The following SUCLG2 variants were observed in gnomAD, a reference collection of about 807,000 sequenced individuals.
The protein encoded by SUCLG2 is succinate-CoA ligase GDP-forming subunit beta.
SUCLG2 carries 42 observed loss-of-function variants against 47.9 expected under a neutral mutation model. The ratio of observed to expected loss-of-function variants is 0.88; its 90% CI spans 0.69 to 1.14. The LOEUF (loss-of-function observed/expected upper bound fraction) is 1.14, where lower values mean the gene tolerates loss of function less well. Among genes scored for constraint, SUCLG2 ranks in the 50% most tolerant of loss-of-function variants. The probability of loss-of-function intolerance (pLI) is 0.00; values close to 1 mark genes in which losing one functional copy is unlikely to be tolerated. For missense variants in SUCLG2, 571 were observed against 525.9 expected (o/e 1.09, Z -0.84); for synonymous variants, 195 against 197.3 (o/e 0.99, Z 0.10).
chr3:67,476,615 C>T (rs1280412952), intron 9 of SUCLG2, among the ~76,000 whole-genome samples: 2 of 152,122 alleles, frequency 1.3e-5, no homozygotes, highest in South Asian at 2.1e-4. Flanking sequence ...CCTCTTCCCC[C>T]GCAACCCTGC....
In SUCLG2 at chr3:67,446,461, C is replaced by T. The variant is rs184853965; in HGVS notation, c.1063-45610G>A. Among the ~76,000 whole-genome samples, 33 of 115,598 alleles carry T rather than the reference C, an allele frequency of 2.9e-4. 1 individual carries two copies. The highest frequency in any genetic ancestry group is 9.4e-4 in the South Asian group (3 of 3,202). 75.8% of individuals were successfully genotyped at this position (115,598 alleles called of 152,430 possible). ...TTTTTTTTTTTTTGAGATAGAGTCT[C>T]GCTCTGTCACTCAGGCTGGAATGCA... On this transcript the variant is annotated intron_variant, in intron 9 of 10. Transcript: ENST00000307227.
At chr3:67,542,167 C>A (rs1706735092) in intron 2 of SUCLG2, among the ~76,000 whole-genome samples, 1 of 152,100 alleles carries the variant, frequency 6.6e-6, no homozygotes, top group Non-Finnish European at 1.5e-5. Flanking sequence ...AGCCACCATG[C>A]CCGGCCCTCA....
At chr3:67,562,486 C>G (rs1707332654) in intron 2 of SUCLG2, among the ~76,000 whole-genome samples, 1 of 152,182 alleles carries the variant, frequency 6.6e-6, no homozygotes, top group Admixed American at 6.5e-5. Flanking sequence ...CCATGTTGGC[C>G]AGGCTGGTCT....
At chr3:67,415,067 G>T (rs1703009103) in intron 9 of SUCLG2, among the ~76,000 whole-genome samples, 1 of 152,118 alleles carries the variant, frequency 6.6e-6, no homozygotes, top group Non-Finnish European at 1.5e-5. Flanking sequence ...TGTTGCCTAG[G>T]CTGGTCCCGA....
Position 67,520,649 on chromosome 3 carries a change from G to A in SUCLG2, c.418-15C>T. On this transcript the variant is annotated splice_polypyrimidine_tract_variant and intron_variant, in intron 4 of 10. Coordinates refer to ENST00000307227, the MANE Select transcript of SUCLG2 (RefSeq NM_003848.4). Reference sequence around the variant, plus strand: ...GCAACCATCACCTACCACATTAGTGGGAAAGTCAAATTAATTCAGCATTAA... The same window carrying A: ...GCAACCATCACCTACCACATTAGTGAGAAAGTCAAATTAATTCAGCATTAA... 6.3e-7 allele frequency: 1 copy of A among 1,594,404 alleles called. No homozygotes were observed. Among genetic ancestry groups the A allele is most frequent in the Non-Finnish European group, 8.5e-7 (1 of 1,173,272 alleles).
chr3:67,394,754 G>A (rs1575667081), intron 10 of SUCLG2, among the ~76,000 whole-genome samples: 1 of 151,410 alleles, frequency 6.6e-6, no homozygotes, highest in East Asian at 1.9e-4. Context: ...AGGAAAAAAT[G>A]TTAAGGGCAG....
At chr3:67,395,141 C>T (rs1224817956) in intron 10 of SUCLG2, among the ~76,000 whole-genome samples, 1 of 151,638 alleles carries the variant, frequency 6.6e-6, no homozygotes, top group Non-Finnish European at 1.5e-5. Context: ...CAGCTAACAT[C>T]ATAATGACAG....
At chr3:67,471,990 A>G (rs1263772495) in intron 9 of SUCLG2, among the ~76,000 whole-genome samples, 2 of 152,194 alleles carry the variant, frequency 1.3e-5, no homozygotes, top group Non-Finnish European at 2.9e-5. Flanking sequence ...GTCCTTAATG[A>G]CCTTGTTTTA....
At chr3:67,483,956 C>T (rs1704983437) in intron 9 of SUCLG2, among the ~76,000 whole-genome samples, 2 of 152,192 alleles carry the variant, frequency 1.3e-5, no homozygotes, top group Admixed American at 1.3e-4. Flanking sequence ...TTACAGGAGG[C>T]TTGCCATGAA....
intron 9 of SUCLG2, among the ~76,000 whole-genome samples, chr3:67,410,972 A>G (rs948205370): frequency 2.0e-5 from 3 of 152,208 alleles, no homozygotes; most frequent in Non-Finnish European, 2.9e-5. Context: ...ATTTTGTTCA[A>G]TCATCTCAGA....
At chr3:67,418,844 C>T (rs528388803) in intron 9 of SUCLG2, among the ~76,000 whole-genome samples, 1 of 152,246 alleles carries the variant, frequency 6.6e-6, no homozygotes, top group South Asian at 2.1e-4. Context: ...GCCTGGACCT[C>T]TCCTGGAACT....
At chr3:67,443,100 C>T (rs779610970) in intron 9 of SUCLG2, among the ~76,000 whole-genome samples, 70 of 152,244 alleles carry the variant, frequency 4.6e-4, no homozygotes, top group Non-Finnish European at 8.4e-4. Flanking sequence ...ATAGCAAGTA[C>T]ATTGTATGAG....
At chr3:67,589,874 G>A (rs1211757707) in intron 2 of SUCLG2, among the ~76,000 whole-genome samples, 1 of 152,158 alleles carries the variant, frequency 6.6e-6, no homozygotes, top group Non-Finnish European at 1.5e-5. Flanking sequence ...CAAAGTCCGG[G>A]AATGCAAAAT....
At chr3:67,417,059 T>A (rs369437820) in intron 9 of SUCLG2, among the ~76,000 whole-genome samples, 105 of 151,866 alleles carry the variant, frequency 6.9e-4, no homozygotes, top group African/African-American at 2.3e-3. Flanking sequence ...AAAGAAAGCT[T>A]CAGAGGATAA....
intron 9 of SUCLG2, among the ~76,000 whole-genome samples, chr3:67,462,359 A>G (rs2106960659): frequency 6.6e-6 from 1 of 152,324 alleles, no homozygotes; most frequent in East Asian, 1.9e-4. Flanking sequence ...GAGGCCAAGA[A>G]GCATCTGTAT....
intron 2 of SUCLG2, among the ~76,000 whole-genome samples, chr3:67,562,858 G>A (rs577712272): frequency 6.6e-6 from 1 of 151,976 alleles, no homozygotes; most frequent in Admixed American, 6.5e-5. Flanking sequence ...TCCTTATTAA[G>A]GCTAAAAAGT....
At chr3:67,475,909 A>G (rs1252739809) in intron 9 of SUCLG2, among the ~76,000 whole-genome samples, 1 of 152,000 alleles carries the variant, frequency 6.6e-6, no homozygotes, top group African/African-American at 2.4e-5. Context: ...ACTGCCTGGA[A>G]GGATAACATC....
chr3:67,372,404 T>C (rs1701967166), downstream of SUCLG2, among the ~76,000 whole-genome samples: 1 of 152,192 alleles, frequency 6.6e-6, no homozygotes. Flanking sequence ...CACTTTTTTT[T>C]TTCCTTGCTT....
chr3:67,418,470 A>G (rs1468442309), intron 9 of SUCLG2, among the ~76,000 whole-genome samples: 3 of 152,182 alleles, frequency 2.0e-5, no homozygotes, highest in Non-Finnish European at 4.4e-5. Context: ...ATCTAATGAC[A>G]AGAGCTTTAA....
Sources: gnomAD v4.1 joint callset for allele counts (sites outside exome capture counted in the v4.1 genomes callset) on GRCh38, gnomAD v4.1.1 for gene constraint, MANE v1.5 for transcripts, NCBI Gene and HGNC (gene_info 2026-07-23, HGNC 2026-07-21) for gene names.